The following CAMK4 variants were observed in gnomAD, a reference collection of about 807,000 sequenced individuals.
CAMK4 encodes the protein calcium/calmodulin dependent protein kinase IV.
Under a neutral mutation model 44.9 loss-of-function variants are expected in CAMK4, and 22 were observed. That is an observed-to-expected ratio of 0.49 (90% CI 0.35 to 0.70). The LOEUF is 0.70. CAMK4 is among the 30% of genes least tolerant of loss of function. The pLI, the probability that CAMK4 is intolerant of heterozygous loss-of-function variation, is 0.01. For synonymous variants in CAMK4, 218 were observed against 215.4 expected, an observed-to-expected ratio of 1.01 and a Z score of -0.11; for missense variants, 498 against 586.8, an observed-to-expected ratio of 0.85 and a Z score of 1.56.
intron 5 of CAMK4, among the ~76,000 whole-genome samples, chr5:111,406,210 C>CTCTG (rs1179488716): frequency 1.3e-5 from 2 of 150,976 alleles, no homozygotes; most frequent in African/African-American, 4.9e-5. Context: ...CTCTCTCTCT[C>CTCTG]TCTCTCTCTC....
At chr5:111,363,289 AC>A (rs1750668155) in intron 2 of CAMK4, among the ~76,000 whole-genome samples, 1 of 152,242 alleles carries the variant, frequency 6.6e-6, no homozygotes, top group Non-Finnish European at 1.5e-5. Context: ...ATGAGAACTG[AC>A]CAACCAATTC....
intron 5 of CAMK4, among the ~76,000 whole-genome samples, chr5:111,424,196 G>C (rs905015803): frequency 4.6e-5 from 7 of 152,166 alleles, no homozygotes; most frequent in Non-Finnish European, 1.0e-4. Context: ...AATTAGACAA[G>C]TGAGATGCAT....
intron 9 of CAMK4, among the ~76,000 whole-genome samples, chr5:111,481,464 C>CA (rs1485194697): frequency 1.3e-5 from 2 of 152,210 alleles, no homozygotes; most frequent in African/African-American, 4.8e-5. Context: ...CTAGCCCAAA[C>CA]ACACATTCTT....
intron 1 of CAMK4, among the ~76,000 whole-genome samples, chr5:111,237,505 G>T (rs930834972): frequency 3.3e-5 from 5 of 152,122 alleles, no homozygotes; most frequent in Non-Finnish European, 7.4e-5. Flanking sequence ...TTCTCATTTT[G>T]TGCTTTCTAA....
chr5:111,437,998 C>A (rs4957951), intron 5 of CAMK4, among the ~76,000 whole-genome samples: 93,395 of 151,968 alleles, frequency 0.61, 28,821 homozygotes, highest in Middle Eastern at 0.71. Context: ...AGCTGGAGTA[C>A]TGCTCATGAA....
rs894292166 is a variant in CAMK4, at chr5:111,267,731, A to G, written c.161+43087A>G. 2.0e-5 allele frequency among the ~76,000 whole-genome samples: 3 copies of G among 148,824 alleles called. No homozygotes were observed. In the South Asian group the frequency reaches 6.3e-4, roughly 31 times the overall value. On this transcript the variant is annotated intron_variant, in intron 1 of 10. Coordinates refer to ENST00000282356, the MANE Select transcript of CAMK4 (RefSeq NM_001744.6). ...AAAAAAAAAAAAAAAAAAAAAAAGA[A>G]TCTTCATTCTGAAGGACACAGGGGA...
rs180907610 is a variant in CAMK4 at position 111,325,706 on chromosome 5, G to A, written c.162-18318G>A. On this transcript the variant is annotated intron_variant, in intron 1 of 10. Coordinates refer to ENST00000282356, the MANE Select transcript of CAMK4 (RefSeq NM_001744.6). ...TGAGAAGTGTCTATTCATATCCTTC[G>A]CCCACTTTTTGATGGGGTTGTTTTT... Among the ~76,000 whole-genome samples the A allele has an allele frequency of 9.9e-5, 15 of 151,928 alleles. No homozygotes were observed. The East Asian group carries it at 1.9e-3, about 20-fold the overall frequency.
chr5:111,420,204 A>C (rs1180685071), intron 5 of CAMK4, among the ~76,000 whole-genome samples: 2 of 151,990 alleles, frequency 1.3e-5, no homozygotes, highest in African/African-American at 2.4e-5. Flanking sequence ...TCTTTGAAGC[A>C]ATTGTGAATG....
At chr5:111,331,085 G>A (rs1749148161) in intron 1 of CAMK4, among the ~76,000 whole-genome samples, 1 of 151,490 alleles carries the variant, frequency 6.6e-6, no homozygotes, top group African/African-American at 2.4e-5. Context: ...ACACAAAAAA[G>A]CACTCACTGT....
chr5:111,458,360 G>A (rs561720492), intron 7 of CAMK4, among the ~76,000 whole-genome samples: 1 of 152,336 alleles, frequency 6.6e-6, no homozygotes, highest in Admixed American at 6.5e-5. Flanking sequence ...GAAATCTGAA[G>A]AAAACTGCGT....
chr5:111,328,453 C>T (rs1749001482), intron 1 of CAMK4, among the ~76,000 whole-genome samples: 1 of 152,060 alleles, frequency 6.6e-6, no homozygotes, highest in Non-Finnish European at 1.5e-5. Flanking sequence ...GTGATGCCTC[C>T]AGCTTTGTTC....
chr5:111,467,676 G>T (rs1489028172), intron 7 of CAMK4, among the ~76,000 whole-genome samples: 1 of 152,128 alleles, frequency 6.6e-6, no homozygotes, highest in Non-Finnish European at 1.5e-5. Flanking sequence ...CTGCAAGAAT[G>T]GCTATAATCA....
At chr5:111,443,132 T>C (rs1298912652) in intron 5 of CAMK4, among the ~76,000 whole-genome samples, 1 of 148,802 alleles carries the variant, frequency 6.7e-6, no homozygotes, top group African/African-American at 2.4e-5. Flanking sequence ...CTTGAGATAA[T>C]GTAAAGGTTA....
intron 5 of CAMK4, among the ~76,000 whole-genome samples, chr5:111,429,340 G>A (rs1425050454): frequency 1.3e-5 from 2 of 152,174 alleles, no homozygotes; most frequent in Non-Finnish European, 2.9e-5. Flanking sequence ...AAGGTAATTA[G>A]TGCTACTGCG....
chr5:111,327,623 C>A (rs1257601520), intron 1 of CAMK4, among the ~76,000 whole-genome samples: 1 of 151,930 alleles, frequency 6.6e-6, no homozygotes. Context: ...ACAGTCCCAC[C>A]AACAGTGTAA....
intron 1 of CAMK4, among the ~76,000 whole-genome samples, chr5:111,334,450 C>T (rs1458236797): frequency 1.3e-5 from 2 of 151,282 alleles, no homozygotes; most frequent in Admixed American, 1.3e-4. Context: ...AAGAATGGGC[C>T]AAGATGTATA....
chr5:111,242,296 G>T, intron 1 of CAMK4, among the ~76,000 whole-genome samples: 1 of 152,048 alleles, frequency 6.6e-6, no homozygotes, highest in East Asian at 1.9e-4. Context: ...CTTTGAAGGG[G>T]TATAATAATA....
At chr5:111,288,013 C>G (rs1369911492) in intron 1 of CAMK4, among the ~76,000 whole-genome samples, 1 of 152,040 alleles carries the variant, frequency 6.6e-6, no homozygotes, top group Non-Finnish European at 1.5e-5. Flanking sequence ...GTGTGCCGTT[C>G]TAAATAATAT....
At chr5:111,427,356 A>C (rs529142914) in intron 5 of CAMK4, among the ~76,000 whole-genome samples, 14 of 152,294 alleles carry the variant, frequency 9.2e-5, no homozygotes, top group African/African-American at 3.4e-4. Flanking sequence ...CCAGCAATAC[A>C]TGGGTACTAC....
Sources: allele counts gnomAD v4.1 joint callset (sites outside exome capture counted in the v4.1 genomes callset), GRCh38; gene constraint gnomAD v4.1.1; transcripts MANE v1.5; gene names NCBI Gene and HGNC (gene_info 2026-07-23, HGNC 2026-07-21).